Variants in UCHL3 observed in about 807,000 individuals in gnomAD.
UCHL3 encodes ubiquitin C-terminal hydrolase L3.
UCHL3 carries 22 observed loss-of-function variants against 35.8 expected under a neutral mutation model. That is an observed-to-expected ratio of 0.61 (90% confidence interval 0.44 to 0.88). The LOEUF (loss-of-function observed/expected upper bound fraction) is 0.88. UCHL3 is among the 40% of genes least tolerant of loss of function. The probability of loss-of-function intolerance (pLI) is 0.00; values close to 1 mark genes in which losing one functional copy is unlikely to be tolerated. For synonymous variants in UCHL3, 90 were observed against 92.8 expected (o/e 0.97, Z 0.17); for missense variants, 229 against 276.9 (o/e 0.83, Z 1.23).
chr13:75,584,725 T>C (rs1302012060), intron 6 of UCHL3, among the ~76,000 whole-genome samples: 1 of 152,124 alleles, frequency 6.6e-6, no homozygotes, highest in Non-Finnish European at 1.5e-5. Context: ...ACATGTTCTA[T>C]CACATGGGTA....
rs1055174468 is a variant in UCHL3, at chr13:75,581,843, G to T, written c.474+12336G>T. Among the ~76,000 whole-genome samples the T allele has an allele frequency of 2.6e-5, 4 of 152,134 alleles. No individual in the cohort carries two copies. In the East Asian group the frequency reaches 7.7e-4, roughly 29 times the overall value. On this transcript the variant is annotated intron_variant, in intron 6 of 8. Transcript: ENST00000377595. ...CATGCACACTAACTGTGAAGGAAAAGTAATTTGGCCTTTGAGGACGTAGGT... is the reference window on the plus strand; with the variant it reads ...CATGCACACTAACTGTGAAGGAAAATTAATTTGGCCTTTGAGGACGTAGGT...
Position 75,550,001 on chromosome 13 carries a change from C to G in UCHL3, c.54+14C>G. On this transcript the variant is annotated intron_variant, in intron 2 of 8. Coordinates refer to ENST00000377595, the MANE Select transcript of UCHL3 (RefSeq NM_006002.5). Reference sequence around the variant, plus strand: ...GTCACCAACCAGGTGAGTGAGGTGTCTGTCGCTCGGGACCTCGGAGTCTTT... The same window carrying G: ...GTCACCAACCAGGTGAGTGAGGTGTGTGTCGCTCGGGACCTCGGAGTCTTT... The G allele has an allele frequency of 6.2e-7, 1 of 1,614,258 alleles. No individual in the cohort carries two copies. The highest frequency in any genetic ancestry group is 1.1e-5 in the South Asian group (1 of 91,084).
chr13:75,589,979 C>G, intron 6 of UCHL3: 2 of 1,304,820 alleles, frequency 1.5e-6, no homozygotes, highest in Non-Finnish European at 2.0e-6. Flanking sequence ...CTAGCCACTG[C>G]AGAACGAAGG....
At chr13:75,601,599 G>A (rs2032782459) in intron 7 of UCHL3, among the ~76,000 whole-genome samples, 1 of 152,104 alleles carries the variant, frequency 6.6e-6, no homozygotes. Context: ...TAGACATAAT[G>A]CTAATGTATA....
At chr13:75,605,512 AAAAC>A (rs966295009) in intron 8 of UCHL3, among the ~76,000 whole-genome samples, 23 of 152,182 alleles carry the variant, frequency 1.5e-4, no homozygotes, top group African/African-American at 5.3e-4. Context: ...TCTGTCTCAA[AAAAC>A]AAACAAACAA....
At chr13:75,592,415 CATATATATATAT>C (rs546657200) in intron 6 of UCHL3, among the ~76,000 whole-genome samples, 51 of 40,636 alleles carry the variant, frequency 1.3e-3, no homozygotes, top group African/African-American at 2.5e-3. Context: ...ATTTTTCCTT[CATATATATATAT>C]ATATATATAT....
At chr13:75,587,271 T>C (rs1005843145) in intron 6 of UCHL3, among the ~76,000 whole-genome samples, 2 of 151,992 alleles carry the variant, frequency 1.3e-5, no homozygotes, top group Non-Finnish European at 1.5e-5. Context: ...GTTTAAAATA[T>C]AAAAGATAAA....
Position 75,576,686 on chromosome 13 carries a change from T to C in UCHL3, c.474+7179T>C, listed in dbSNP as rs1023007843. Reference sequence around the variant, plus strand: ...TTATTTCTTTAAAGTGGGTTCATGATTGAGTTTTGAAGCACTGTGTTACAA... The same window carrying C: ...TTATTTCTTTAAAGTGGGTTCATGACTGAGTTTTGAAGCACTGTGTTACAA... On this transcript the variant is annotated intron_variant, in intron 6 of 8. Transcript: ENST00000377595. 8.5e-5 allele frequency among the ~76,000 whole-genome samples: 13 copies of C among 152,286 alleles called. No homozygotes were observed. In the South Asian group the frequency reaches 1.7e-3, roughly 19 times the overall value.
At chr13:75,549,607 T>G, upstream of UCHL3, 2 of 475,420 alleles carry the variant, frequency 4.2e-6, no homozygotes, top group Admixed American at 4.1e-5. Context: ...TTTTTTCTCC[T>G]CGGCAGCATC....
chr13:75,579,913 T>G (rs1470321209), intron 6 of UCHL3, among the ~76,000 whole-genome samples: 1 of 152,150 alleles, frequency 6.6e-6, no homozygotes, highest in African/African-American at 2.4e-5. Context: ...TTCTGGGAAT[T>G]AGTTTGAGAA....
At chr13:75,578,542 T>C (rs2138524162) in intron 6 of UCHL3, among the ~76,000 whole-genome samples, 1 of 152,280 alleles carries the variant, frequency 6.6e-6, no homozygotes, top group African/African-American at 2.4e-5. Context: ...CAAAGATCTT[T>C]TACTTCAGTG....
intron 6 of UCHL3, among the ~76,000 whole-genome samples, chr13:75,577,346 A>G (rs1344649911): frequency 1.3e-5 from 2 of 152,256 alleles, no homozygotes; most frequent in East Asian, 1.9e-4. Flanking sequence ...ACAATATAGT[A>G]TAACAACAAT....
intron 2 of UCHL3, among the ~76,000 whole-genome samples, chr13:75,559,196 C>A (rs1188449619): frequency 6.6e-6 from 1 of 152,038 alleles, no homozygotes; most frequent in African/African-American, 2.4e-5. Context: ...CCAGCCACCA[C>A]GCCCAGCTAA....
intron 6 of UCHL3, among the ~76,000 whole-genome samples, chr13:75,581,033 C>T (rs1247795937): frequency 1.3e-5 from 2 of 152,120 alleles, no homozygotes; most frequent in Admixed American, 1.3e-4. Flanking sequence ...ACATCTAAGT[C>T]AGTTCTTATT....
chr13:75,604,590 C>T lies in UCHL3; in HGVS notation c.551-179C>T, dbSNP rs905243332. The T allele has an allele frequency of 3.7e-5, 15 of 410,096 alleles. No homozygotes were observed. The Middle Eastern group carries it at 1.2e-3, about 32-fold the overall frequency. The allele number at this position is 410,096 out of a possible 1,614,324, so 25.4% of individuals were successfully genotyped here. A position where few individuals can be genotyped will look rare whatever the true frequency, so the allele number is the denominator to read the frequency against. On this transcript the variant is annotated intron_variant, in intron 7 of 8. Transcript: ENST00000377595. ...TTCAAATATGGAAGCAAAGTTCTAA[C>T]TAATAACCTTTAATAAAAAATATTC...
At chr13:75,578,436 T>C (rs1180308906) in intron 6 of UCHL3, among the ~76,000 whole-genome samples, 2 of 152,168 alleles carry the variant, frequency 1.3e-5, no homozygotes, top group Non-Finnish European at 2.9e-5. Context: ...CTTTCTTTCA[T>C]TTGTTCAATC....
rs56945758 is a variant in UCHL3 at position 75,566,678 on chromosome 13, CTT to C, written c.184-7_184-6del. The C allele has an allele frequency of 4.8e-3, 5,129 of 1,074,758 alleles. No individual in the cohort carries two copies. The highest frequency in any genetic ancestry group is 0.015 in the South Asian group (592 of 39,892). The allele number at this position is 1,074,758 out of a possible 1,614,324, so 66.6% of individuals were successfully genotyped here. On this transcript the variant is annotated splice_polypyrimidine_tract_variant and intron_variant, in intron 3 of 8. Coordinates refer to ENST00000377595, the MANE Select transcript of UCHL3 (RefSeq NM_006002.5). ...TTATTTTCCACAAATACACTGTTGA[CTT>C]TTTTTTTTTAATAGTATGAAGTATT...
chr13:75,592,429 T>TAC lies in UCHL3; in HGVS notation c.475-2485_475-2484insCA, dbSNP rs1555276721. Reference sequence around the variant, plus strand: ...AATTTTTCCTTCATATATATATATATATATATATATATATATATATATATA... The same window carrying TAC: ...AATTTTTCCTTCATATATATATATATACATATATATATATATATATATATATA... On this transcript the variant is annotated intron_variant, in intron 6 of 8. Coordinates refer to ENST00000377595, the MANE Select transcript of UCHL3 (RefSeq NM_006002.5). Among the ~76,000 whole-genome samples the TAC allele has an allele frequency of 2.5e-3, 211 of 85,528 alleles. 8 individuals are homozygous for TAC. Among genetic ancestry groups the TAC allele is most frequent in the African/African-American group, 5.9e-3 (125 of 21,264 alleles). 56.1% of individuals were successfully genotyped at this position (85,528 alleles called of 152,430 possible). A position where few individuals can be genotyped will look rare whatever the true frequency, so the allele number is the denominator to read the frequency against.
At chr13:75,567,446 T>C (rs1318699604) in intron 5 of UCHL3, 134 bp downstream of exon 5, 3 of 737,212 alleles carry the variant, frequency 4.1e-6, no homozygotes, top group Non-Finnish European at 6.6e-6. Flanking sequence ...GAAAAGCCTT[T>C]TGTACTTTTC....
Sources: gnomAD v4.1 joint callset for allele counts (sites outside exome capture counted in the v4.1 genomes callset) on GRCh38, gnomAD v4.1.1 for gene constraint, MANE v1.5 for transcripts, NCBI Gene and HGNC (gene_info 2026-07-23, HGNC 2026-07-21) for gene names.